The following NDUFB2 variants were observed in gnomAD, a reference collection of about 807,000 sequenced individuals.
The protein encoded by NDUFB2 is NADH:ubiquinone oxidoreductase subunit B2.
Under a neutral mutation model 13.4 loss-of-function variants are expected in NDUFB2, and 13 were observed. The ratio of observed to expected loss-of-function variants is 0.97; its 90% CI spans 0.63 to 1.54. NDUFB2 has a LOEUF of 1.54. Ranked by LOEUF, NDUFB2 falls within the 40% of genes most tolerant of loss-of-function variation. The pLI, the probability that NDUFB2 is intolerant of heterozygous loss-of-function variation, is 0.00. For missense variants in NDUFB2, 150 were observed against 139.7 expected, an observed-to-expected ratio of 1.07 and a Z score of -0.37; for synonymous variants, 47 against 50.6, an observed-to-expected ratio of 0.93 and a Z score of 0.30.
chr7:140,697,207 CG>C (rs926415612), intron 1 of NDUFB2: 30 of 647,758 alleles, frequency 4.6e-5, no homozygotes, highest in South Asian at 4.6e-4. Context: ...TGGAGCGAGG[CG>C]GGGGGCGGCG....
In NDUFB2 at chr7:140,699,596, C is replaced by T. The variant is rs566575413; in HGVS notation, c.98+2754C>T. 5.9e-5 allele frequency among the ~76,000 whole-genome samples: 9 copies of T among 152,080 alleles called. No individual in the cohort carries two copies. The South Asian group carries it at 1.7e-3, about 28-fold the overall frequency. On this transcript the variant is annotated intron_variant, in intron 1 of 3. Coordinates refer to ENST00000247866, the MANE Select transcript of NDUFB2 (RefSeq NM_004546.3). ...GGGTTGCAGCTTTATTCAGTGACCT[C>T]GTCATTAGCCTTCCCACCTTGGGTG...
intron 2 of NDUFB2, among the ~76,000 whole-genome samples, chr7:140,703,550 C>T (rs1794926900): frequency 1.3e-5 from 2 of 152,004 alleles, no homozygotes; most frequent in South Asian, 4.1e-4. Context: ...GCTGGGATCA[C>T]AGGCGTGAGC....
At chr7:140,705,390 A>G (rs1284103303) in intron 3 of NDUFB2, 1 of 152,588 alleles carries the variant, frequency 6.6e-6, no homozygotes, top group Non-Finnish European at 1.5e-5. Flanking sequence ...GTGAGCCACC[A>G]CGCCTGGCCA....
At chr7:140,701,770 T>TA (rs111296452) in intron 1 of NDUFB2, 22,967 of 253,164 alleles carry the variant, frequency 0.091, 404 homozygotes, top group Middle Eastern at 0.11. Context: ...CCGTCTCTAC[T>TA]AAAAAAAAAA....
intron 1 of NDUFB2, among the ~76,000 whole-genome samples, chr7:140,698,843 G>A (rs942562284): frequency 9.9e-5 from 15 of 152,132 alleles, no homozygotes. Flanking sequence ...GGAAAGTAAT[G>A]TGGTCTGATT....
chr7:140,704,838 T>C (rs777990703), intron 2 of NDUFB2, 22 bp from the exon 3 acceptor site: 3 of 1,524,744 alleles, frequency 2.0e-6, no homozygotes, highest in Non-Finnish European at 2.7e-6. Context: ...GACTTTTCTT[T>C]CTTTTAAATG....
intron 3 of NDUFB2, chr7:140,706,103 A>ATGT (rs1295391780): frequency 6.7e-6 from 1 of 150,248 alleles, no homozygotes; most frequent in Non-Finnish European, 1.5e-5. Context: ...ATGTTATGTT[A>ATGT]TGTTATTTGA....
intron 1 of NDUFB2, among the ~76,000 whole-genome samples, chr7:140,701,300 T>A (rs1255687226): frequency 6.6e-6 from 1 of 152,208 alleles, no homozygotes; most frequent in Non-Finnish European, 1.5e-5. Flanking sequence ...GGCCTTATCA[T>A]AACATTATGA....
At chr7:140,704,815 A>C in intron 2 of NDUFB2, 45 bp from the exon 3 acceptor site, 1 of 1,330,884 alleles carries the variant, frequency 7.5e-7, no homozygotes, top group Non-Finnish European at 1.0e-6. Context: ...AGTTGCACAG[A>C]ATGTAAATTC....
chr7:140,701,653 G>A (rs997672433), intron 1 of NDUFB2, among the ~76,000 whole-genome samples: 1 of 151,982 alleles, frequency 6.6e-6, no homozygotes, highest in Non-Finnish European at 1.5e-5. Context: ...AAACAAAACA[G>A]CCGGGCACGT....
intron 1 of NDUFB2, 99 bp downstream of exon 1, chr7:140,696,941 C>A: frequency 9.1e-7 from 1 of 1,094,702 alleles, no homozygotes; most frequent in Non-Finnish European, 1.3e-6. Context: ...GAAGAGGCCG[C>A]GTCCCGAGGC....
intron 1 of NDUFB2, among the ~76,000 whole-genome samples, chr7:140,699,026 T>C (rs1427906556): frequency 6.6e-6 from 1 of 151,928 alleles, no homozygotes; most frequent in Non-Finnish European, 1.5e-5. Flanking sequence ...GGCATGGTAG[T>C]GTGCGCCTGT....
At chr7:140,704,988 T>C (rs540773030) in intron 3 of NDUFB2, 25 bp downstream of exon 3, 2 of 1,283,808 alleles carry the variant, frequency 1.6e-6, no homozygotes, top group South Asian at 1.5e-5. Context: ...AATTTCTTTA[T>C]GTCATATTTA....
chr7:140,704,965 TG>T lies in NDUFB2; in HGVS notation c.*29+5del, dbSNP rs1184408425. 1.4e-6 allele frequency: 2 copies of T among 1,440,224 alleles called. No individual in the cohort carries two copies. Among genetic ancestry groups the T allele is most frequent in the Non-Finnish European group, 1.9e-6 (2 of 1,068,602 alleles). The allele number at this position is 1,440,224 out of a possible 1,614,324, so 89.2% of individuals were successfully genotyped here. Reference sequence around the variant, plus strand: ...TAGACTCAGCCTCACTCTGTACAAGTGGGTGTGCTCCAAATTTCTTTATGTC... The same window carrying T: ...TAGACTCAGCCTCACTCTGTACAAGTGGTGTGCTCCAAATTTCTTTATGTC... On this transcript the variant is annotated splice_donor_region_variant and intron_variant, in intron 3 of 3. Coordinates refer to ENST00000247866, the MANE Select transcript of NDUFB2 (RefSeq NM_004546.3).
intron 1 of NDUFB2, among the ~76,000 whole-genome samples, chr7:140,699,510 A>C (rs764356603): frequency 2.0e-5 from 3 of 152,180 alleles, no homozygotes; most frequent in Non-Finnish European, 2.9e-5. Context: ...GGCTTCTGAT[A>C]ACAAATTCTT....
chr7:140,697,493 A>C (rs933713293), intron 1 of NDUFB2: 6 of 687,656 alleles, frequency 8.7e-6, no homozygotes, highest in Non-Finnish European at 1.3e-5. Context: ...CGCAGACCGG[A>C]GGGCGGAGGG....
intron 1 of NDUFB2, chr7:140,701,956 A>G: frequency 1.5e-6 from 1 of 649,332 alleles, no homozygotes; most frequent in East Asian, 2.8e-5. Context: ...AAAGAAAACA[A>G]ACAGTCCTAG....
chr7:140,701,816 G>A (rs1449035639), intron 1 of NDUFB2: 3 of 411,162 alleles, frequency 7.3e-6, no homozygotes, highest in African/African-American at 4.2e-5. Context: ...TACACCTGTA[G>A]TCCCAGCTAC....
chr7:140,698,282 C>G (rs368593951), intron 1 of NDUFB2: 16 of 1,350,924 alleles, frequency 1.2e-5, no homozygotes, highest in Non-Finnish European at 1.6e-5. Flanking sequence ...CTGGCTTGTT[C>G]GTAACACACA....
Sources: allele counts gnomAD v4.1 joint callset (sites outside exome capture counted in the v4.1 genomes callset), GRCh38; gene constraint gnomAD v4.1.1; transcripts MANE v1.5; gene names NCBI Gene and HGNC (gene_info 2026-07-23, HGNC 2026-07-21).